The following PGR variants were observed in gnomAD, a reference collection of about 807,000 sequenced individuals.
The protein encoded by PGR is nuclear receptor subfamily 3 group C member 3.
PGR carries 25 observed loss-of-function variants against 76.1 expected under a neutral mutation model. That is an observed-to-expected ratio of 0.33 (90% CI 0.24 to 0.46). The LOEUF (loss-of-function observed/expected upper bound fraction) is 0.46. Ranked by LOEUF, PGR falls within the 20% of genes least tolerant of loss-of-function variation. The pLI, the probability that PGR is intolerant of heterozygous loss-of-function variation, is 1.00. For missense variants in PGR, 1,172 were observed against 1,225.3 expected, an observed-to-expected ratio of 0.96 and a Z score of 0.65; for synonymous variants, 579 against 535.0, an observed-to-expected ratio of 1.08 and a Z score of -1.14.
intron 2 of PGR, among the ~76,000 whole-genome samples, chr11:101,097,563 G>T (rs868755830): frequency 1.3e-5 from 2 of 152,130 alleles, no homozygotes; most frequent in Middle Eastern, 3.4e-3. Context: ...TATACCTATT[G>T]TTTCGCTTAT....
intron 4 of PGR, among the ~76,000 whole-genome samples, chr11:101,053,632 C>T (rs1860181979): frequency 7.4e-6 from 1 of 135,080 alleles, no homozygotes; most frequent in South Asian, 2.4e-4. Context: ...CCCCTTCTTC[C>T]TCCTTTCTTC....
intron 3 of PGR, among the ~76,000 whole-genome samples, chr11:101,073,975 A>T (rs1211651142): frequency 6.6e-6 from 1 of 152,086 alleles, no homozygotes; most frequent in African/African-American, 2.4e-5. Flanking sequence ...TCCCTAACTC[A>T]TTTTATTTGG....
At chr11:101,091,263 T>C (rs534083401) in intron 3 of PGR, among the ~76,000 whole-genome samples, 10 of 152,352 alleles carry the variant, frequency 6.6e-5, no homozygotes, top group African/African-American at 2.4e-4. Flanking sequence ...AATATAACTC[T>C]TCATCAAATG....
intron 3 of PGR, among the ~76,000 whole-genome samples, chr11:101,078,196 G>A (rs1861186104): frequency 1.3e-5 from 2 of 152,110 alleles, no homozygotes. Context: ...GGTGGAGGAG[G>A]AGGTAGGGGG....
intron 2 of PGR, among the ~76,000 whole-genome samples, chr11:101,111,735 T>G (rs1435951458): frequency 1.3e-5 from 2 of 152,122 alleles, no homozygotes; most frequent in African/African-American, 2.4e-5. Context: ...GAGCCAACTT[T>G]GGGATGTGTT....
chr11:101,075,176 T>TACA (rs1483814649), intron 3 of PGR, among the ~76,000 whole-genome samples: 1 of 151,136 alleles, frequency 6.6e-6, no homozygotes, highest in Admixed American at 6.6e-5. Context: ...GCCACACATC[T>TACA]ACCATCTGAT....
intron 2 of PGR, among the ~76,000 whole-genome samples, chr11:101,111,424 T>C (rs1444575848): frequency 2.0e-5 from 3 of 152,216 alleles, no homozygotes; most frequent in Admixed American, 2.0e-4. Flanking sequence ...CTGATCTCCC[T>C]GGCATGACCT....
At chr11:101,041,763 G>C in intron 7 of PGR, 182 bp downstream of exon 7, 1 of 590,930 alleles carries the variant, frequency 1.7e-6, no homozygotes, top group Non-Finnish European at 3.0e-6. Context: ...ATATTTGAGT[G>C]GTCTATATTG....
rs1455305985 is a variant in PGR at position 101,032,977 on chromosome 11, C to A, written c.*6139G>T. On this transcript the variant is annotated 3_prime_UTR_variant, in exon 8 of 8. Transcript: ENST00000325455. Reference sequence around the variant, plus strand: ...TTAATTTAATGTTTTAGAGAGCCCTCCATGTAACTTTTGTAAATCATATTT... The same window carrying A: ...TTAATTTAATGTTTTAGAGAGCCCTACATGTAACTTTTGTAAATCATATTT... 1 of 187,682 alleles carries A rather than the reference C, an allele frequency of 5.3e-6. No homozygotes were observed. Among genetic ancestry groups the A allele is most frequent in the Non-Finnish European group, 1.1e-5 (1 of 89,168 alleles). The allele number at this position is 187,682 out of a possible 1,614,324, so 11.6% of individuals were successfully genotyped here. A position where few individuals can be genotyped will look rare whatever the true frequency, so the allele number is the denominator to read the frequency against.
intron 2 of PGR, among the ~76,000 whole-genome samples, chr11:101,111,078 A>C (rs1190151995): frequency 6.6e-6 from 1 of 152,242 alleles, no homozygotes; most frequent in Admixed American, 6.5e-5. Context: ...AATTTGTGTG[A>C]CTTGCTTTAT....
Position 101,127,598 on chromosome 11 carries a change from C to T in PGR, c.1473G>A (p.Pro491=), listed in dbSNP as rs967888219. ...CGGAGGTGGAGGGCAGGCCGTCCCG[C>T]GGGAGCAGGCAGCCGCTCGCGCCCG... The part of the protein sequence containing the change: ...KAPGASGCLL[P]RDGLPSTSAS... Residue 491 remains proline, a synonymous_variant, in exon 1 of 8, where the codon CCG becomes CCA. Coordinates refer to ENST00000325455, the MANE Select transcript of PGR (RefSeq NM_000926.4). 1.5e-6 allele frequency: 2 copies of T among 1,302,096 alleles called. No individual in the cohort carries two copies. Among genetic ancestry groups the T allele is most frequent in the African/African-American group, 3.1e-5 (2 of 64,496 alleles). 80.7% of individuals were successfully genotyped at this position (1,302,096 alleles called of 1,614,324 possible).
At chr11:101,127,400 G>T in intron 1 of PGR, 34 bp downstream of exon 1, 2 of 1,482,964 alleles carry the variant, frequency 1.3e-6, no homozygotes, top group South Asian at 1.3e-5. Flanking sequence ...GCTACTCCCG[G>T]ACGCGCTGGG....
At chr11:101,040,404 G>T (rs1859658653) in intron 7 of PGR, among the ~76,000 whole-genome samples, 1 of 151,956 alleles carries the variant, frequency 6.6e-6, no homozygotes, top group South Asian at 2.1e-4. Flanking sequence ...CCCATGTTTT[G>T]TTATAAGACA....
At chr11:101,124,353 T>G (rs1365571598) in intron 2 of PGR, among the ~76,000 whole-genome samples, 1 of 152,216 alleles carries the variant, frequency 6.6e-6, no homozygotes, top group Non-Finnish European at 1.5e-5. Context: ...TGAAATAACT[T>G]CTGTGAATCA....
intron 6 of PGR, among the ~76,000 whole-genome samples, chr11:101,048,875 A>G (rs532553122): frequency 6.6e-6 from 1 of 152,118 alleles, no homozygotes; most frequent in African/African-American, 2.4e-5. Flanking sequence ...CTTTTGTAAT[A>G]ACATTTAGTT....
Position 101,128,611 on chromosome 11 carries a change from C to T in PGR, c.460G>A (p.Ala154Thr), listed in dbSNP as rs762525705. The T allele has an allele frequency of 3.8e-6, 6 of 1,589,976 alleles. No individual in the cohort carries two copies. In the Admixed American group the frequency reaches 1.1e-4, roughly 28 times the overall value. ...GACAACACCCGCTGGGTGGCGGGGG[C>T]AGCCGGTGGATCTTCGGGAAGTTCG... ...GPELPEDPPA[A>T]PATQRVLSPL... The change falls in exon 1 of 8, where the codon GCC (alanine) becomes ACC (threonine). Residue 154 changes from alanine (A) to threonine (T), a missense_variant. Transcript: ENST00000325455.
chr11:101,119,679 A>G (rs1862614902), intron 2 of PGR, among the ~76,000 whole-genome samples: 1 of 152,228 alleles, frequency 6.6e-6, no homozygotes, highest in African/African-American at 2.4e-5. Context: ...CTCAAGTGGA[A>G]ATATAAACCA....
intron 3 of PGR, among the ~76,000 whole-genome samples, chr11:101,064,456 T>C (rs1860641102): frequency 6.7e-6 from 1 of 149,022 alleles, no homozygotes; most frequent in Non-Finnish European, 1.5e-5. Context: ...GGATTCAAAA[T>C]TATTTGCAGA....
At chr11:101,053,901 T>C (rs2135398316) in intron 4 of PGR, among the ~76,000 whole-genome samples, 1 of 152,208 alleles carries the variant, frequency 6.6e-6, no homozygotes, top group South Asian at 2.1e-4. Context: ...CTTCCTACTT[T>C]CCCACGGAGA....
Sources: gnomAD v4.1 joint callset for allele counts (sites outside exome capture counted in the v4.1 genomes callset) on GRCh38, gnomAD v4.1.1 for gene constraint, MANE v1.5 for transcripts, NCBI Gene and HGNC (gene_info 2026-07-23, HGNC 2026-07-21) for gene names.